SLC4A10: variants seen among roughly 807,000 people sequenced by gnomAD.
SLC4A10 encodes solute carrier family 4 member 10.
A neutral mutation model predicts 137.7 loss-of-function variants in SLC4A10; 42 were observed. The ratio of observed to expected loss-of-function variants is 0.30; its 90% CI spans 0.24 to 0.39. The LOEUF is 0.39. Ranked by LOEUF, SLC4A10 falls within the 10% of genes least tolerant of loss-of-function variation. The pLI is 1.00. For synonymous variants in SLC4A10, 474 were observed against 464.1 expected (o/e 1.02, Z -0.27); for missense variants, 925 against 1,355.0 (o/e 0.68, Z 4.98).
At chr2:161,702,471 A>G (rs2043227859) in intron 1 of SLC4A10, among the ~76,000 whole-genome samples, 1 of 151,888 alleles carries the variant, frequency 6.6e-6, no homozygotes, top group African/African-American at 2.4e-5. Context: ...ATAAGTTGAC[A>G]CATTAAAAAA....
chr2:161,641,353 TAATA>T (rs2035297104), intron 1 of SLC4A10, among the ~76,000 whole-genome samples: 1 of 152,148 alleles, frequency 6.6e-6, no homozygotes, highest in Admixed American at 6.5e-5. Flanking sequence ...CCAAAAGTCA[TAATA>T]TATGACAAAT....
intron 3 of SLC4A10, among the ~76,000 whole-genome samples, chr2:161,819,260 G>T (rs1177237852): frequency 6.6e-6 from 1 of 152,078 alleles, no homozygotes; most frequent in Non-Finnish European, 1.5e-5. Flanking sequence ...TCATGGTTGG[G>T]CTGTGATTCC....
intron 12 of SLC4A10, chr2:161,901,219 T>A: frequency 2.2e-6 from 1 of 458,732 alleles, no homozygotes. Context: ...CCTTCCATTA[T>A]ACTTTACCTA....
chr2:161,741,279 A>C (rs912567985), intron 1 of SLC4A10, among the ~76,000 whole-genome samples: 2 of 144,608 alleles, frequency 1.4e-5, no homozygotes, highest in African/African-American at 5.1e-5. Context: ...AAAAAAAAGC[A>C]CCTATCCACT....
At chr2:161,971,356 T>C (rs1028110669) in intron 23 of SLC4A10, among the ~76,000 whole-genome samples, 4 of 152,230 alleles carry the variant, frequency 2.6e-5, no homozygotes, top group African/African-American at 9.6e-5. Flanking sequence ...GGCATTTAAA[T>C]CATAGCATAA....
At chr2:161,817,492 C>G (rs921810079) in intron 3 of SLC4A10, among the ~76,000 whole-genome samples, 1 of 152,038 alleles carries the variant, frequency 6.6e-6, no homozygotes. Flanking sequence ...TAATTAGATC[C>G]CATTTGTCAA....
chr2:161,761,533 C>G (rs775624095), intron 1 of SLC4A10, among the ~76,000 whole-genome samples: 2 of 151,820 alleles, frequency 1.3e-5, no homozygotes, highest in Non-Finnish European at 2.9e-5. Flanking sequence ...CCAGAAGGAC[C>G]CTCAAGAACA....
Position 161,890,825 on chromosome 2 carries a change from C to A in SLC4A10, c.1195-3854C>A, listed in dbSNP as rs13021759. Among the ~76,000 whole-genome samples, 7 of 151,882 alleles carry A rather than the reference C, an allele frequency of 4.6e-5. No individual in the cohort carries two copies. The South Asian group carries it at 1.0e-3, about 22-fold the overall frequency. Reference sequence around the variant, plus strand: ...AATATTGTTATGTGTGAATTTGATCCTGTCATTATAATGCTAGCTGGTTAT... The same window carrying A: ...AATATTGTTATGTGTGAATTTGATCATGTCATTATAATGCTAGCTGGTTAT... On this transcript the variant is annotated intron_variant, in intron 10 of 26. Coordinates refer to ENST00000446997, the MANE Select transcript of SLC4A10 (RefSeq NM_001178015.2).
chr2:161,643,979 C>A (rs187842831), intron 1 of SLC4A10, among the ~76,000 whole-genome samples: 1 of 151,876 alleles, frequency 6.6e-6, no homozygotes, highest in Admixed American at 6.6e-5. Context: ...ATGATGGCAG[C>A]ACAATGTATT....
chr2:161,643,276 G>A (rs1354352704), intron 1 of SLC4A10, among the ~76,000 whole-genome samples: 3 of 152,050 alleles, frequency 2.0e-5, no homozygotes, highest in Non-Finnish European at 4.4e-5. Flanking sequence ...GAAGGCAAAG[G>A]CCAAAAGGGT....
intron 23 of SLC4A10, among the ~76,000 whole-genome samples, chr2:161,970,502 A>G (rs1698336794): frequency 2.0e-5 from 3 of 152,204 alleles, no homozygotes; most frequent in Admixed American, 2.0e-4. Context: ...CTCTTGGGCA[A>G]AATAAAAGGA....
At chr2:161,681,787 C>T (rs74953308) in intron 1 of SLC4A10, among the ~76,000 whole-genome samples, 3,296 of 152,112 alleles carry the variant, frequency 0.022, 58 homozygotes, top group Non-Finnish European at 0.033. Context: ...TCAATTTCTG[C>T]GTTTGCCTTC....
At chr2:161,749,033 G>C (rs898715431) in intron 1 of SLC4A10, among the ~76,000 whole-genome samples, 1 of 151,686 alleles carries the variant, frequency 6.6e-6, no homozygotes, top group African/African-American at 2.4e-5. Flanking sequence ...TATTTATTTT[G>C]ATGCTATTGT....
At chr2:161,924,155 C>T (rs1688653430) in intron 15 of SLC4A10, among the ~76,000 whole-genome samples, 1 of 152,076 alleles carries the variant, frequency 6.6e-6, no homozygotes, top group South Asian at 2.1e-4. Context: ...TTTCTTTTCT[C>T]TTTCTTTCTT....
chr2:161,836,182 C>A (rs1334547040), intron 3 of SLC4A10, among the ~76,000 whole-genome samples: 1 of 146,848 alleles, frequency 6.8e-6, no homozygotes. Flanking sequence ...GAGTATGAAG[C>A]AAACAGACAG....
Position 161,883,777 on chromosome 2 carries a change from C to T in SLC4A10, c.1194+1333C>T, listed in dbSNP as rs2062001772. On this transcript the variant is annotated intron_variant, in intron 10 of 26. Transcript: ENST00000446997. ...TCTCCATCTTCACATGGCTTTCTCC[C>T]AGTTGTCTCTGTGTGTCTTCTTATT... Among the ~76,000 whole-genome samples the T allele has an allele frequency of 2.0e-5, 3 of 152,038 alleles. 1 individual carries two copies. The South Asian group carries it at 6.3e-4, about 32-fold the overall frequency.
intron 3 of SLC4A10, among the ~76,000 whole-genome samples, chr2:161,839,348 T>C (rs2059027768): frequency 6.6e-6 from 1 of 151,778 alleles, no homozygotes; most frequent in South Asian, 2.1e-4. Flanking sequence ...CACAAGGGAG[T>C]TTTTTTGGTG....
chr2:161,934,056 G>A (rs1465354007), intron 15 of SLC4A10, among the ~76,000 whole-genome samples: 1 of 152,082 alleles, frequency 6.6e-6, no homozygotes, highest in Admixed American at 6.6e-5. Flanking sequence ...GTATATGTAT[G>A]GGGTGCATGA....
At chr2:161,774,076 G>A (rs2052013788) in intron 2 of SLC4A10, among the ~76,000 whole-genome samples, 2 of 151,582 alleles carry the variant, frequency 1.3e-5, no homozygotes, top group South Asian at 4.2e-4. Flanking sequence ...TTCTTTCTAA[G>A]CCTACTTCTG....
Sources: allele counts gnomAD v4.1 joint callset (sites outside exome capture counted in the v4.1 genomes callset), GRCh38; gene constraint gnomAD v4.1.1; transcripts MANE v1.5; gene names NCBI Gene and HGNC (gene_info 2026-07-23, HGNC 2026-07-21).